The following HPSE2 variants were observed in gnomAD, a reference collection of about 807,000 sequenced individuals.
The protein encoded by HPSE2 is heparanase 2 (inactive).
In HPSE2, 38 loss-of-function variants were observed where a neutral mutation model predicts 60.5. That is an observed-to-expected ratio of 0.63 (90% CI 0.48 to 0.82). The LOEUF is 0.82. Among genes scored for constraint, HPSE2 ranks in the 40% least tolerant of loss-of-function variants. HPSE2 has a pLI of 0.00. For synonymous variants in HPSE2, 295 were observed against 293.2 expected (o/e 1.01, Z -0.06); for missense variants, 713 against 740.4 (o/e 0.96, Z 0.43).
intron 3 of HPSE2, among the ~76,000 whole-genome samples, chr10:99,051,017 A>G (rs1957978907): frequency 6.6e-6 from 1 of 152,186 alleles, no homozygotes; most frequent in Admixed American, 6.5e-5. Flanking sequence ...ATAAATATAT[A>G]CAGTTATCAT....
At chr10:99,037,324 T>C (rs917847794) in intron 3 of HPSE2, among the ~76,000 whole-genome samples, 2 of 152,126 alleles carry the variant, frequency 1.3e-5, no homozygotes, top group Non-Finnish European at 2.9e-5. Context: ...CTGCAGTTAA[T>C]TGTATTATAC....
intron 9 of HPSE2, among the ~76,000 whole-genome samples, chr10:98,551,188 T>C (rs1405807248): frequency 6.6e-6 from 1 of 152,052 alleles, no homozygotes; most frequent in Non-Finnish European, 1.5e-5. Context: ...CTTTATTTTG[T>C]ATGTGGGATT....
chr10:99,272,464 A>T, the HPSE2 span, among the ~76,000 whole-genome samples: 2 of 152,348 alleles, frequency 1.3e-5, no homozygotes, highest in Non-Finnish European at 2.9e-5. Context: ...CTGCACAGCA[A>T]AACAATCAGC....
chr10:99,225,957 G>A (rs1397990882), intron 2 of HPSE2, among the ~76,000 whole-genome samples: 3 of 151,888 alleles, frequency 2.0e-5, no homozygotes, highest in Non-Finnish European at 4.4e-5. Context: ...CTAGCAATAT[G>A]AACTTTGCTT....
intron 3 of HPSE2, among the ~76,000 whole-genome samples, chr10:99,065,842 T>G (rs539478784): frequency 6.6e-6 from 1 of 152,368 alleles, no homozygotes; most frequent in Admixed American, 6.5e-5. Context: ...TAAGCAATGA[T>G]GTTGGGAACA....
At chr10:98,727,750 T>C (rs894656918) in intron 4 of HPSE2, among the ~76,000 whole-genome samples, 4 of 150,566 alleles carry the variant, frequency 2.7e-5, no homozygotes, top group Admixed American at 1.3e-4. Flanking sequence ...CAAATAGAAA[T>C]ATACATAAAG....
chr10:99,221,205 A>G (rs1335083383), intron 2 of HPSE2, among the ~76,000 whole-genome samples: 1 of 152,156 alleles, frequency 6.6e-6, no homozygotes, highest in Non-Finnish European at 1.5e-5. Flanking sequence ...TGCATGCATT[A>G]CATTGATAAT....
chr10:99,227,863 G>GTC (rs1849522178), intron 2 of HPSE2, among the ~76,000 whole-genome samples: 5 of 139,860 alleles, frequency 3.6e-5, no homozygotes, highest in Non-Finnish European at 7.6e-5. Context: ...AGTTGAATGT[G>GTC]TATATATGTG....
intron 9 of HPSE2, among the ~76,000 whole-genome samples, chr10:98,491,810 G>A (rs1941654415): frequency 6.6e-6 from 1 of 152,140 alleles, no homozygotes; most frequent in Non-Finnish European, 1.5e-5. Context: ...ATGCTGTGAA[G>A]TACAAAGTCA....
At chr10:98,590,319 G>A (rs1295336307) in intron 9 of HPSE2, among the ~76,000 whole-genome samples, 2 of 152,208 alleles carry the variant, frequency 1.3e-5, no homozygotes, top group African/African-American at 2.4e-5. Flanking sequence ...GCAGGCACCT[G>A]TAGTCCCAGC....
chr10:99,287,493 G>A, the HPSE2 span, among the ~76,000 whole-genome samples: 5 of 152,266 alleles, frequency 3.3e-5, no homozygotes, highest in Middle Eastern at 3.4e-3. Context: ...GGGAGCAGCA[G>A]TGGGTGTGAG....
chr10:99,162,991 C>T (rs551723412), intron 2 of HPSE2, among the ~76,000 whole-genome samples: 3 of 152,200 alleles, frequency 2.0e-5, no homozygotes, highest in South Asian at 4.2e-4. Context: ...AGGCAGATCA[C>T]GAGGTCAGGA....
At chr10:99,259,309 A>C in the HPSE2 span, among the ~76,000 whole-genome samples, 2 of 5,062 alleles carry the variant, frequency 4.0e-4, no homozygotes, top group African/African-American at 8.1e-4. Context: ...CCCCCCCACC[A>C]AAAAAAAAAA....
chr10:98,626,388 T>TATTC (rs1198297186), intron 7 of HPSE2, among the ~76,000 whole-genome samples: 1 of 152,206 alleles, frequency 6.6e-6, no homozygotes, highest in Non-Finnish European at 1.5e-5. Flanking sequence ...CAATAATTTT[T>TATTC]ATTCATTCAT....
chr10:98,955,850 G>A (rs1462213643), intron 3 of HPSE2, among the ~76,000 whole-genome samples: 1 of 152,100 alleles, frequency 6.6e-6, no homozygotes, highest in African/African-American at 2.4e-5. Context: ...GCACACTGAT[G>A]CAGGAACAGA....
chr10:98,827,570 C>G (rs1018489709), intron 3 of HPSE2, among the ~76,000 whole-genome samples: 1 of 152,076 alleles, frequency 6.6e-6, no homozygotes, highest in Non-Finnish European at 1.5e-5. Context: ...CACCCTTCAA[C>G]AGAAAAGGGC....
intron 3 of HPSE2, among the ~76,000 whole-genome samples, chr10:98,844,183 C>T (rs1350753353): frequency 6.6e-6 from 1 of 152,134 alleles, no homozygotes; most frequent in Non-Finnish European, 1.5e-5. Flanking sequence ...GAGGTCTCTT[C>T]CAGCTTTGGT....
At chr10:99,015,145 A>G (rs10883247) in intron 3 of HPSE2, among the ~76,000 whole-genome samples, 107,957 of 144,264 alleles carry the variant, frequency 0.75, 40,513 homozygotes, top group East Asian at 0.84. Context: ...TTAGAATGGC[A>G]ATCATTAAAA....
At chr10:98,752,839 A>AC (rs1376975103) in intron 3 of HPSE2, among the ~76,000 whole-genome samples, 3 of 152,218 alleles carry the variant, frequency 2.0e-5, no homozygotes, top group African/African-American at 7.2e-5. Context: ...GCACACATAC[A>AC]CAATGGAATA....
Sources: gnomAD v4.1 joint callset for allele counts (sites outside exome capture counted in the v4.1 genomes callset) on GRCh38, gnomAD v4.1.1 for gene constraint, MANE v1.5 for transcripts, NCBI Gene and HGNC (gene_info 2026-07-23, HGNC 2026-07-21) for gene names.